The following NELL1 variants were observed in gnomAD, a reference collection of about 807,000 sequenced individuals.
NELL1 encodes protein kinase C-binding protein NELL1.
In NELL1, 76 loss-of-function variants were observed where a neutral mutation model predicts 107.4. The ratio of observed to expected loss-of-function variants is 0.71; its 90% CI spans 0.59 to 0.86. The LOEUF is 0.86. NELL1 is among the 40% of genes least tolerant of loss of function. The pLI, the probability that NELL1 is intolerant of heterozygous loss-of-function variation, is 0.00. For synonymous variants in NELL1, 353 were observed against 341.2 expected (o/e 1.03, Z -0.38); for missense variants, 1,024 against 1,005.5 (o/e 1.02, Z -0.25).
rs368019146 is a variant in NELL1 at position 21,222,899 on chromosome 11, CT to C, written c.1427-6432del. ...ATTTCTAGTTTTGTTCCATTGTGGT[CT>C]GTGAAGAAACTTGATATGATTTTAA... On this transcript the variant is annotated intron_variant, in intron 13 of 19. Coordinates refer to ENST00000357134, the MANE Select transcript of NELL1 (RefSeq NM_006157.5). Among the ~76,000 whole-genome samples, 1,103 of 152,110 alleles carry C rather than the reference CT, an allele frequency of 7.3e-3. 21 individuals are homozygous for C. The highest frequency in any genetic ancestry group is 0.025 in the African/African-American group (1,031 of 41,496).
chr11:20,715,114 G>A (rs1001037554), intron 2 of NELL1, among the ~76,000 whole-genome samples: 1 of 151,982 alleles, frequency 6.6e-6, no homozygotes, highest in African/African-American at 2.4e-5. Context: ...GCGTGGTGGC[G>A]GGCGCCTGTA....
chr11:21,436,759 C>T (rs1267673297), intron 15 of NELL1, among the ~76,000 whole-genome samples: 2 of 152,014 alleles, frequency 1.3e-5, no homozygotes, highest in Admixed American at 6.6e-5. Flanking sequence ...ATAAAATAGA[C>T]AGTTATTGCT....
At chr11:20,765,591 C>A (rs991440267) in intron 2 of NELL1, among the ~76,000 whole-genome samples, 4 of 151,942 alleles carry the variant, frequency 2.6e-5, no homozygotes, top group African/African-American at 9.7e-5. Flanking sequence ...ATGGAGTGGG[C>A]GAAAGTGTGT....
At chr11:20,799,896 C>T (rs1794459328) in intron 3 of NELL1, among the ~76,000 whole-genome samples, 1 of 152,142 alleles carries the variant, frequency 6.6e-6, no homozygotes, top group South Asian at 2.1e-4. Context: ...GTCTGTTTTG[C>T]TCACCTTTAT....
chr11:20,761,216 T>G (rs1466732712), intron 2 of NELL1, among the ~76,000 whole-genome samples: 1 of 152,192 alleles, frequency 6.6e-6, no homozygotes, highest in Non-Finnish European at 1.5e-5. Flanking sequence ...TAACATAACA[T>G]GACATTAGGT....
intron 14 of NELL1, among the ~76,000 whole-genome samples, chr11:21,239,280 C>T (rs193015676): frequency 1.0e-3 from 152 of 152,160 alleles, no homozygotes; most frequent in African/African-American, 2.0e-3. Context: ...TTATTTAATG[C>T]ACTCATTGCC....
intron 2 of NELL1, among the ~76,000 whole-genome samples, chr11:20,771,236 C>T (rs1856633773): frequency 6.6e-6 from 1 of 152,144 alleles, no homozygotes; most frequent in African/African-American, 2.4e-5. Flanking sequence ...ATTCCTTTGC[C>T]TCCATCTGAG....
intron 13 of NELL1, among the ~76,000 whole-genome samples, chr11:21,148,858 AT>A (rs1300238914): frequency 6.6e-6 from 1 of 152,188 alleles, no homozygotes; most frequent in African/African-American, 2.4e-5. Context: ...ATAATTCGTT[AT>A]ATTACATTAC....
chr11:21,144,511 G>A (rs1855934524), intron 13 of NELL1, among the ~76,000 whole-genome samples: 1 of 152,142 alleles, frequency 6.6e-6, no homozygotes, highest in South Asian at 2.1e-4. Flanking sequence ...GAGAGAGGAA[G>A]AGACAGGAGA....
chr11:21,154,256 G>A (rs1469199126), intron 13 of NELL1, among the ~76,000 whole-genome samples: 1 of 152,162 alleles, frequency 6.6e-6, no homozygotes, highest in Non-Finnish European at 1.5e-5. Flanking sequence ...TAGATCTACT[G>A]AAATATATGA....
intron 12 of NELL1, among the ~76,000 whole-genome samples, chr11:20,961,789 G>C (rs1256490905): frequency 1.3e-5 from 2 of 152,008 alleles, no homozygotes; most frequent in Admixed American, 6.6e-5. Context: ...TTTGGGATTT[G>C]AGTGTGTGTA....
intron 4 of NELL1, among the ~76,000 whole-genome samples, chr11:20,878,883 G>T (rs2134097759): frequency 6.6e-6 from 1 of 152,316 alleles, no homozygotes; most frequent in Non-Finnish European, 1.5e-5. Context: ...ACTTGAAAAA[G>T]ACAGACGAGG....
intron 14 of NELL1, among the ~76,000 whole-genome samples, chr11:21,308,875 G>T (rs1849665822): frequency 6.6e-6 from 1 of 151,624 alleles, no homozygotes; most frequent in Admixed American, 6.6e-5. Context: ...CATCCCATGG[G>T]GTTGCTATTA....
intron 15 of NELL1, among the ~76,000 whole-genome samples, chr11:21,454,922 A>C (rs181628967): frequency 2.4e-3 from 360 of 152,324 alleles, no homozygotes; most frequent in Non-Finnish European, 4.0e-3. Flanking sequence ...TCAACACATG[A>C]ATTTGGGAGA....
At chr11:21,238,682 T>C (rs903019895) in intron 14 of NELL1, among the ~76,000 whole-genome samples, 13 of 152,050 alleles carry the variant, frequency 8.5e-5, no homozygotes, top group Non-Finnish European at 1.6e-4. Context: ...AAGAAAAATA[T>C]GGCCTCTGCT....
chr11:21,134,942 A>G (rs1221803068), intron 13 of NELL1, among the ~76,000 whole-genome samples: 1 of 152,218 alleles, frequency 6.6e-6, no homozygotes, highest in African/African-American at 2.4e-5. Flanking sequence ...AGTATTTATA[A>G]CATAGGGTGG....
In NELL1 at chr11:21,215,382, C is replaced by A. The variant is rs117527585; in HGVS notation, c.1427-13950C>A. On this transcript the variant is annotated intron_variant, in intron 13 of 19. Transcript: ENST00000357134. ...CTAGTCCCAGCTAGTTCTTTATTAGCAGTGTGAGACTGAACTAATCCAGTA... is the reference window on the plus strand; with the variant it reads ...CTAGTCCCAGCTAGTTCTTTATTAGAAGTGTGAGACTGAACTAATCCAGTA... Among the ~76,000 whole-genome samples, 38 of 152,246 alleles carry A rather than the reference C, an allele frequency of 2.5e-4. 1 individual carries two copies. In the East Asian group the frequency reaches 4.2e-3, roughly 17 times the overall value.
chr11:21,391,670 C>T (rs1851881546), intron 15 of NELL1, among the ~76,000 whole-genome samples: 2 of 151,648 alleles, frequency 1.3e-5, no homozygotes, highest in Admixed American at 1.3e-4. Context: ...GTTTTTGAGA[C>T]AGGGTCTCAC....
intron 14 of NELL1, among the ~76,000 whole-genome samples, chr11:21,303,070 CTCTATATCTATATCTATATCTATA>C (rs3993104): frequency 1.3e-3 from 188 of 147,608 alleles, no homozygotes; most frequent in African/African-American, 4.4e-3. Flanking sequence ...CTCTCTTTTG[CTCTATATCTATATCTATATCTATA>C]TCTATATCTA....
Sources: allele counts gnomAD v4.1 joint callset (sites outside exome capture counted in the v4.1 genomes callset), GRCh38; gene constraint gnomAD v4.1.1; transcripts MANE v1.5; gene names NCBI Gene and HGNC (gene_info 2026-07-23, HGNC 2026-07-21).